The following LPP variants were observed in gnomAD, a reference collection of about 807,000 sequenced individuals.
LPP encodes lipoma-preferred partner.
In LPP, 38 loss-of-function variants were observed where a neutral mutation model predicts 60.4. The observed-to-expected ratio is 0.63, with a 90% CI of 0.49 to 0.83. The LOEUF (loss-of-function observed/expected upper bound fraction) is 0.83, where lower values mean the gene tolerates loss of function less well. Ranked by LOEUF, LPP falls within the 40% of genes least tolerant of loss-of-function variation. The pLI is 0.00. For synonymous variants in LPP, 328 were observed against 290.8 expected (o/e 1.13, Z -1.30); for missense variants, 902 against 783.6 (o/e 1.15, Z -1.80).
At chr3:188,636,604 AG>A (rs1848842562) in intron 7 of LPP, among the ~76,000 whole-genome samples, 1 of 152,218 alleles carries the variant, frequency 6.6e-6, no homozygotes, top group African/African-American at 2.4e-5. Context: ...CTGGGGGCCC[AG>A]GGCACAGACA....
chr3:188,497,352 A>G (rs1810542069), intron 5 of LPP, among the ~76,000 whole-genome samples: 1 of 152,218 alleles, frequency 6.6e-6, no homozygotes, highest in Non-Finnish European at 1.5e-5. Flanking sequence ...TGACATTCAT[A>G]GCATTTCTAA....
rs974725656 is a variant in LPP, at chr3:188,883,131, TG to T, written c.*8654del. 3 of 218,508 alleles carry T rather than the reference TG, an allele frequency of 1.4e-5. No individual in the cohort carries two copies. Among genetic ancestry groups the T allele is most frequent in the Non-Finnish European group, 1.8e-5 (2 of 108,694 alleles). 13.5% of individuals were successfully genotyped at this position (218,508 alleles called of 1,614,324 possible). On this transcript the variant is annotated 3_prime_UTR_variant, in exon 12 of 12. Coordinates refer to ENST00000617246, the MANE Select transcript of LPP (RefSeq NM_001375462.1). ...CAGCCTTTGGGGCATATGTTCTCTTTGGTGCCACACAAAACCTGTAGTACAT... is the reference window on the plus strand; with the variant it reads ...CAGCCTTTGGGGCATATGTTCTCTTTGTGCCACACAAAACCTGTAGTACAT...
At chr3:188,493,742 G>A (rs1391532653) in intron 5 of LPP, among the ~76,000 whole-genome samples, 1 of 152,270 alleles carries the variant, frequency 6.6e-6, no homozygotes, top group Admixed American at 6.5e-5. Flanking sequence ...ACTGCTCCCA[G>A]TCAAGATTTT....
intron 9 of LPP, among the ~76,000 whole-genome samples, chr3:188,834,364 T>C (rs1757884794): frequency 6.9e-6 from 1 of 143,970 alleles, no homozygotes; most frequent in Admixed American, 7.2e-5. Flanking sequence ...TTTTGTTTGA[T>C]CTTGGTTTTG....
chr3:188,866,377 A>G lies in LPP; in HGVS notation c.1588A>G (p.Lys530Glu). ...GLIHCIEDFH[K>E]KFAPRCSVCK... ...CATTCACTGCATTGAGGACTTCCAC[A>G]AGTAGGCAACCTACTCTCTCGTCAC... is the stretch of plus-strand genomic sequence containing the variant. Residue 530 changes from lysine (K) to glutamate (E), a missense_variant and splice_region_variant, in exon 10 of 12, where the codon AAG becomes GAG. Coordinates refer to ENST00000617246, the MANE Select transcript of LPP (RefSeq NM_001375462.1). 6.8e-7 allele frequency: 1 copy of G among 1,461,358 alleles called. No homozygotes were observed. Among genetic ancestry groups the G allele is most frequent in the Non-Finnish European group, 9.1e-7 (1 of 1,094,816 alleles). 90.5% of individuals were successfully genotyped at this position (1,461,358 alleles called of 1,614,324 possible).
chr3:188,297,444 C>T (rs1748313599), intron 2 of LPP, among the ~76,000 whole-genome samples: 1 of 152,112 alleles, frequency 6.6e-6, no homozygotes, highest in Non-Finnish European at 1.5e-5. Context: ...TAGATAAATT[C>T]TATTTTTGGA....
chr3:188,737,962 A>G (rs921410618), intron 8 of LPP, among the ~76,000 whole-genome samples: 14 of 152,274 alleles, frequency 9.2e-5, no homozygotes, highest in African/African-American at 3.4e-4. Flanking sequence ...ATGCTATCAT[A>G]TGCTTTCTGC....
intron 2 of LPP, among the ~76,000 whole-genome samples, chr3:188,240,629 C>G (rs567750897): frequency 3.3e-5 from 5 of 152,218 alleles, no homozygotes; most frequent in South Asian, 4.2e-4. Context: ...TGGGTAGAAA[C>G]TTTCATATAA....
chr3:188,240,623 T>C (rs1724112834), intron 2 of LPP, among the ~76,000 whole-genome samples: 1 of 152,162 alleles, frequency 6.6e-6, no homozygotes, highest in Admixed American at 6.5e-5. Context: ...CATATTTGGG[T>C]AGAAACTTTC....
chr3:188,800,687 T>G (rs542271973), intron 9 of LPP, among the ~76,000 whole-genome samples: 82 of 152,292 alleles, frequency 5.4e-4, no homozygotes, highest in African/African-American at 1.9e-3. Flanking sequence ...AATGCCTGAT[T>G]CCCCATACTC....
At chr3:188,774,646 G>C (rs1737148930) in intron 9 of LPP, among the ~76,000 whole-genome samples, 1 of 152,132 alleles carries the variant, frequency 6.6e-6, no homozygotes, top group Non-Finnish European at 1.5e-5. Context: ...TTTTCTTATA[G>C]ATTGAGAATG....
intron 6 of LPP, among the ~76,000 whole-genome samples, chr3:188,606,973 C>G (rs1842498462): frequency 6.6e-6 from 1 of 152,116 alleles, no homozygotes. Context: ...GCTGTAAAGT[C>G]TGCCCCAAGA....
chr3:188,424,692 G>T (rs143796152), intron 4 of LPP, among the ~76,000 whole-genome samples: 2,571 of 152,104 alleles, frequency 0.017, 85 homozygotes, highest in African/African-American at 0.059. Flanking sequence ...GTATTCCTAG[G>T]TATTTTATTT....
At chr3:188,282,649 C>G (rs768520171) in intron 2 of LPP, among the ~76,000 whole-genome samples, 22 of 152,114 alleles carry the variant, frequency 1.4e-4, no homozygotes, top group Non-Finnish European at 5.9e-5. Context: ...TTCCTTTTGG[C>G]CCCTGCCTCT....
At chr3:188,612,339 A>C (rs79402383) in intron 7 of LPP, among the ~76,000 whole-genome samples, 1 of 151,998 alleles carries the variant, frequency 6.6e-6, no homozygotes, top group Admixed American at 6.6e-5. Context: ...GTTCCTTCAC[A>C]GTTGGCCTTT....
At chr3:188,416,499 C>G (rs1786307501) in intron 4 of LPP, among the ~76,000 whole-genome samples, 1 of 152,178 alleles carries the variant, frequency 6.6e-6, no homozygotes, top group African/African-American at 2.4e-5. Flanking sequence ...TCATTAACTT[C>G]AGGGACCAGT....
At chr3:188,733,535 A>G (rs1312430199) in intron 8 of LPP, among the ~76,000 whole-genome samples, 2 of 152,134 alleles carry the variant, frequency 1.3e-5, no homozygotes, top group African/African-American at 4.8e-5. Flanking sequence ...CACTTCAACA[A>G]TTATTTCTAG....
intron 7 of LPP, among the ~76,000 whole-genome samples, chr3:188,665,378 G>A (rs1855535247): frequency 6.6e-6 from 1 of 151,454 alleles, no homozygotes; most frequent in African/African-American, 2.4e-5. Context: ...TAGTTTCTAT[G>A]TGTTTGTCTG....
chr3:188,502,650 C>T lies in LPP; in HGVS notation c.306+17946C>T, dbSNP rs796721715. Among the ~76,000 whole-genome samples, 16 of 152,184 alleles carry T rather than the reference C, an allele frequency of 1.1e-4. 1 individual carries two copies. The highest frequency in any genetic ancestry group is 3.9e-4 in the African/African-American group (16 of 41,546). On this transcript the variant is annotated intron_variant, in intron 5 of 11. Transcript: ENST00000617246. ...ATTACTTCTTATTTTCCTACAGATG[C>T]TCCTTAAGTTGTGATGGGGTTATGT...
Sources: gnomAD v4.1 joint callset for allele counts (sites outside exome capture counted in the v4.1 genomes callset) on GRCh38, gnomAD v4.1.1 for gene constraint, MANE v1.5 for transcripts, NCBI Gene and HGNC (gene_info 2026-07-23, HGNC 2026-07-21) for gene names.